TMEM260: variants seen among roughly 807,000 people sequenced by gnomAD.
TMEM260 encodes the protein transmembrane protein 260.
A neutral mutation model predicts 88.9 loss-of-function variants in TMEM260; 82 were observed. The ratio of observed to expected loss-of-function variants is 0.92; its 90% confidence interval spans 0.77 to 1.11. The LOEUF (loss-of-function observed/expected upper bound fraction) is 1.11, where lower values mean the gene tolerates loss of function less well. TMEM260 is among the 50% of genes least tolerant of loss of function. The pLI is 0.00. For missense variants in TMEM260, 902 were observed against 853.4 expected (o/e 1.06, Z -0.71); for synonymous variants, 314 against 309.3 (o/e 1.02, Z -0.16).
At chr14:56,652,960 T>G (rs993394512), downstream of TMEM260, among the ~76,000 whole-genome samples, 1 of 152,064 alleles carries the variant, frequency 6.6e-6, no homozygotes, top group African/African-American at 2.4e-5. Context: ...GTCAATTGAG[T>G]GAGAATTGAC....
chr14:56,579,641 C>T (rs546041696), upstream of TMEM260: 15 of 367,246 alleles, frequency 4.1e-5, no homozygotes, highest in African/African-American at 2.9e-4. Flanking sequence ...GGAATGCTCT[C>T]CTGGTGATTA....
chr14:56,583,626 A>G (rs1202739404), intron 1 of TMEM260, among the ~76,000 whole-genome samples: 9 of 152,130 alleles, frequency 5.9e-5, no homozygotes, highest in Admixed American at 5.9e-4. Context: ...AGACTCAAGC[A>G]GGTTCTATGG....
intron 10 of TMEM260, 114 bp from the exon 11 acceptor site, chr14:56,621,417 A>G: frequency 1.4e-6 from 1 of 713,680 alleles, no homozygotes; most frequent in Non-Finnish European, 2.2e-6. Context: ...AATGTATTGA[A>G]ACACTAAATG....
At chr14:56,638,778 C>A (rs1194823482) in intron 15 of TMEM260, among the ~76,000 whole-genome samples, 1 of 151,994 alleles carries the variant, frequency 6.6e-6, no homozygotes, top group African/African-American at 2.4e-5. Context: ...ATATTAAGTT[C>A]AGGTGACATC....
rs373343466 is a variant in TMEM260, at chr14:56,618,747, A to G, written c.1210A>G (p.Ile404Val). 4.3e-6 allele frequency: 7 copies of G among 1,613,982 alleles called. No homozygotes were observed. The African/African-American group carries it at 9.3e-5, about 22-fold the overall frequency. ...LSATLFVVYQ[I>V]YSNYSVCDQR... Reference sequence around the variant, plus strand: ...TGCAACTCTTTTTGTAGTTTACCAAATATATTCTAATTACAGGTAATACAT... The same window carrying G: ...TGCAACTCTTTTTGTAGTTTACCAAGTATATTCTAATTACAGGTAATACAT... The change falls in exon 10 of 16, where the codon ATA (isoleucine) becomes GTA (valine). Residue 404 changes from isoleucine to valine, a missense_variant. Physicochemically the swap from Ile to Val is conservative, Grantham distance 29. Coordinates refer to ENST00000261556, the MANE Select transcript of TMEM260 (RefSeq NM_017799.4).
At chr14:56,635,914 T>C (rs1889023822) in intron 14 of TMEM260, among the ~76,000 whole-genome samples, 4 of 152,196 alleles carry the variant, frequency 2.6e-5, no homozygotes, top group Admixed American at 2.6e-4. Context: ...ATATTTTAAG[T>C]TGTCATTGTA....
intron 12 of TMEM260, among the ~76,000 whole-genome samples, chr14:56,628,693 T>A (rs1888389485): frequency 6.6e-6 from 1 of 152,152 alleles, no homozygotes; most frequent in Non-Finnish European, 1.5e-5. Context: ...GTTTATCTTT[T>A]TTCATCCTTT....
intron 9 of TMEM260, 100 bp from the exon 10 acceptor site, chr14:56,618,494 C>G: frequency 9.2e-7 from 1 of 1,082,612 alleles, no homozygotes; most frequent in Non-Finnish European, 1.3e-6. Context: ...AACAGGCACA[C>G]ACAACTAGGT....
At chr14:56,657,593 A>G in the TMEM260 span, among the ~76,000 whole-genome samples, 1 of 152,212 alleles carries the variant, frequency 6.6e-6, no homozygotes, top group Admixed American at 6.5e-5. Context: ...AAAATGCCAA[A>G]CTAAAAATCT....
At position 56,621,681 on chromosome 14, in the gene TMEM260, C is replaced by T. The variant is rs1285213662; in HGVS notation, c.1377C>T (p.Asp459=). The T allele has an allele frequency of 6.2e-6, 10 of 1,608,910 alleles. No homozygotes were observed. Among genetic ancestry groups the T allele is most frequent in the Non-Finnish European group, 8.5e-6 (10 of 1,178,290 alleles). Residue 459 remains aspartate (D), a synonymous_variant, in exon 11 of 16, where the codon GAC becomes GAT. Coordinates refer to ENST00000261556, the MANE Select transcript of TMEM260 (RefSeq NM_017799.4). ...ATTACTGTGAGGGGTTGAGGCCTGA[C>T]ATTTCATTAGTGGATCAGGAAGTAA... ...YMHYCEGLRP[D]ISLVDQEMMT...
chr14:56,586,056 C>G lies in TMEM260; in HGVS notation c.344+144C>G, dbSNP rs937568734. 5.5e-6 allele frequency: 5 copies of G among 901,622 alleles called. No homozygotes were observed. In the African/African-American group the frequency reaches 8.4e-5, roughly 15 times the overall value. The allele number at this position is 901,622 out of a possible 1,614,324, so 55.9% of individuals were successfully genotyped here. Reference sequence around the variant, plus strand: ...TCACTTTCTTAATTTATAATACTTTCATATGCATTTGACCCCTCAAATGAT... The same window carrying G: ...TCACTTTCTTAATTTATAATACTTTGATATGCATTTGACCCCTCAAATGAT... On this transcript the variant is annotated intron_variant, in intron 3 of 15. Coordinates refer to ENST00000261556, the MANE Select transcript of TMEM260 (RefSeq NM_017799.4).
chr14:56,621,168 T>C lies in TMEM260; in HGVS notation c.1227-363T>C, dbSNP rs138380239. Among the ~76,000 whole-genome samples, 918 of 152,094 alleles carry C rather than the reference T, an allele frequency of 6.0e-3. 11 individuals carry two copies. Among genetic ancestry groups the C allele is most frequent in the African/African-American group, 0.021 (884 of 41,468 alleles). On this transcript the variant is annotated intron_variant, in intron 10 of 15. Coordinates refer to ENST00000261556, the MANE Select transcript of TMEM260 (RefSeq NM_017799.4). ...ATTTCTGAAAGTTCCTTTGAGTAAA[T>C]GGAATGAACATAAAATTGCCTTAAA...
chr14:56,634,897 A>AGGTTTG lies in TMEM260; in HGVS notation c.1725-1_1729dup, dbSNP rs1278591419. 1.9e-6 allele frequency: 3 copies of AGGTTTG among 1,613,440 alleles called. No homozygotes were observed. The highest frequency in any genetic ancestry group is 2.5e-6 in the Non-Finnish European group (3 of 1,179,736). On this transcript the variant is annotated splice_acceptor_variant, in intron 13 of 15. Coordinates refer to ENST00000261556, the MANE Select transcript of TMEM260 (RefSeq NM_017799.4). LOFTEE classifies it high-confidence loss of function. ...GATATTACTGTTTTCTTGTAACTAC[A>AGGTTTG]GGTTTGATCCATCTTCTTGGGAATC...
intron 3 of TMEM260, among the ~76,000 whole-genome samples, chr14:56,598,722 A>G (rs1223534659): frequency 6.6e-6 from 1 of 152,166 alleles, no homozygotes; most frequent in Non-Finnish European, 1.5e-5. Flanking sequence ...ATGTGTCAGC[A>G]CAAATCACAG....
chr14:56,590,541 T>C (rs1011393620), intron 3 of TMEM260, among the ~76,000 whole-genome samples: 2 of 152,242 alleles, frequency 1.3e-5, no homozygotes, highest in East Asian at 1.9e-4. Flanking sequence ...AGAAAATTTA[T>C]GTAAACCACA....
chr14:56,655,673 A>G, the TMEM260 span, among the ~76,000 whole-genome samples: 1 of 152,224 alleles, frequency 6.6e-6, no homozygotes, highest in Non-Finnish European at 1.5e-5. Context: ...TGTGTGAACA[A>G]GACTAGAACT....
the TMEM260 span, among the ~76,000 whole-genome samples, chr14:56,659,890 C>T: frequency 6.6e-6 from 1 of 152,028 alleles, no homozygotes; most frequent in Non-Finnish European, 1.5e-5. Flanking sequence ...ATTCCTGCCA[C>T]GTACTGAGTT....
At chr14:56,586,215 T>C (rs1254665664) in intron 3 of TMEM260, among the ~76,000 whole-genome samples, 2 of 152,180 alleles carry the variant, frequency 1.3e-5, no homozygotes, top group African/African-American at 4.8e-5. Context: ...TTCAACAATA[T>C]GAGGTTCATC....
At chr14:56,592,101 A>G (rs1439692087) in intron 3 of TMEM260, among the ~76,000 whole-genome samples, 1 of 152,182 alleles carries the variant, frequency 6.6e-6, no homozygotes, top group Non-Finnish European at 1.5e-5. Flanking sequence ...GTGAATATTT[A>G]TATAGCTGAA....
Sources: gnomAD v4.1 joint callset for allele counts (sites outside exome capture counted in the v4.1 genomes callset) on GRCh38, gnomAD v4.1.1 for gene constraint, MANE v1.5 for transcripts, NCBI Gene and HGNC (gene_info 2026-07-23, HGNC 2026-07-21) for gene names.